The following XPO7 variants were observed in gnomAD, a reference collection of about 807,000 sequenced individuals.
XPO7 encodes the protein exportin 7.
In XPO7, 21 loss-of-function variants were observed where a neutral mutation model predicts 144.3. The observed-to-expected ratio is 0.15, with a 90% CI of 0.10 to 0.21. The LOEUF (loss-of-function observed/expected upper bound fraction) is 0.21. Among genes scored for constraint, XPO7 ranks in the 10% least tolerant of loss-of-function variants. The pLI is 1.00. For synonymous variants in XPO7, 580 were observed against 499.6 expected (o/e 1.16, Z -2.15); for missense variants, 808 against 1,325.8 (o/e 0.61, Z 6.06).
rs943974139 is a variant in XPO7, at chr8:21,984,639, G to C, written c.1278-7G>C. 4 of 1,605,346 alleles carry C rather than the reference G, an allele frequency of 2.5e-6. No individual in the cohort carries two copies. The highest frequency in any genetic ancestry group is 1.7e-5 in the Admixed American group (1 of 58,830). On this transcript the variant is annotated splice_polypyrimidine_tract_variant and splice_region_variant and intron_variant, in intron 11 of 27. Coordinates refer to ENST00000252512, the MANE Select transcript of XPO7 (RefSeq NM_015024.5). ...GAGAGCTGCCTTCCTTCTTCCCTTG[G>C]GAATAGAGATGGCCTGGAAGATCCC... is the stretch of plus-strand genomic sequence containing the variant.
At chr8:21,999,351 C>T in intron 23 of XPO7, 46 bp downstream of exon 23, 1 of 1,605,392 alleles carries the variant, frequency 6.2e-7, no homozygotes, top group Non-Finnish European at 8.5e-7. Context: ...TCATCACATT[C>T]AGCCTTTTTC....
At chr8:21,955,671 G>A (rs1333562292) in intron 1 of XPO7, among the ~76,000 whole-genome samples, 2 of 147,758 alleles carry the variant, frequency 1.4e-5, no homozygotes, top group African/African-American at 2.5e-5. Flanking sequence ...TCTCTGTTGG[G>A]TTTCATAGGA....
chr8:22,000,527 A>C (rs1246281101), intron 24 of XPO7, among the ~76,000 whole-genome samples: 2 of 142,466 alleles, frequency 1.4e-5, no homozygotes, highest in Non-Finnish European at 3.0e-5. Context: ...ATCTCAGCTC[A>C]CTGCAACCTC....
intron 1 of XPO7, among the ~76,000 whole-genome samples, chr8:21,928,024 A>C (rs1195388051): frequency 6.6e-6 from 1 of 152,258 alleles, no homozygotes; most frequent in African/African-American, 2.4e-5. Flanking sequence ...TAAAGTGTAC[A>C]AATTGACAGA....
In XPO7 at chr8:21,992,430, T is replaced by C. The variant is rs1174117420; in HGVS notation, c.2148+456T>C. 2.0e-5 allele frequency among the ~76,000 whole-genome samples: 3 copies of C among 152,356 alleles called. No individual in the cohort carries two copies. In the East Asian group the frequency reaches 5.8e-4, roughly 29 times the overall value. Reference sequence around the variant, plus strand: ...TGAAATAGATCTTCAGAATCCATAATTTTAATATGGAACATTTTCATTATT... The same window carrying C: ...TGAAATAGATCTTCAGAATCCATAACTTTAATATGGAACATTTTCATTATT... On this transcript the variant is annotated intron_variant, in intron 19 of 27. Transcript: ENST00000252512.
chr8:21,940,539 G>C (rs187804008), intron 1 of XPO7, among the ~76,000 whole-genome samples: 6 of 149,742 alleles, frequency 4.0e-5, no homozygotes, highest in Admixed American at 1.3e-4. Context: ...GTGTGATCTC[G>C]GCTCACTGCA....
In XPO7 at chr8:21,989,785, A is replaced by G. The variant is rs562882330; in HGVS notation, c.1869-559A>G. Among the ~76,000 whole-genome samples, 5 of 54,634 alleles carry G rather than the reference A, an allele frequency of 9.2e-5. No homozygotes were observed. The South Asian group carries it at 1.7e-3, about 19-fold the overall frequency. The allele number at this position is 54,634 out of a possible 152,430, so 35.8% of individuals were successfully genotyped here. Reference sequence around the variant, plus strand: ...TTGGGGAAACTGCTAGGTTTATTCTATTTTCTTACAAATAGGAGTTTGGTA... The same window carrying G: ...TTGGGGAAACTGCTAGGTTTATTCTGTTTTCTTACAAATAGGAGTTTGGTA... On this transcript the variant is annotated intron_variant, in intron 16 of 27. Coordinates refer to ENST00000252512, the MANE Select transcript of XPO7 (RefSeq NM_015024.5).
chr8:21,977,729 A>C, intron 7 of XPO7, 41 bp from the exon 8 acceptor site: 2 of 1,595,210 alleles, frequency 1.3e-6, no homozygotes, highest in African/African-American at 1.3e-5. Context: ...GGCAATGTTC[A>C]TACTTAATAA....
intron 4 of XPO7, 63 bp downstream of exon 4, chr8:21,970,373 C>CACAT (rs1407405081): frequency 8.5e-6 from 11 of 1,294,262 alleles, no homozygotes; most frequent in Admixed American, 2.6e-5. Context: ...TATATAAACA[C>CACAT]ACACACACAC....
At chr8:21,961,261 G>A (rs1811717787) in intron 1 of XPO7, among the ~76,000 whole-genome samples, 1 of 151,216 alleles carries the variant, frequency 6.6e-6, no homozygotes, top group Non-Finnish European at 1.5e-5. Context: ...CCAGGCTGGA[G>A]TACAGTGGCA....
Position 21,971,441 on chromosome 8 carries a change from T to G in XPO7, c.427-435T>G, listed in dbSNP as rs986703089. ...GGTTATGAGTGAGACTGGATAAATT[T>G]TGATATGTTTATTTATTGCTTATAT... is the stretch of plus-strand genomic sequence containing the variant. On this transcript the variant is annotated intron_variant, in intron 4 of 27. Transcript: ENST00000252512. Among the ~76,000 whole-genome samples the G allele has an allele frequency of 9.2e-5, 14 of 152,344 alleles. No individual in the cohort carries two copies. The South Asian group carries it at 1.0e-3, about 11-fold the overall frequency.
Position 21,970,232 on chromosome 8 carries a change from A to C in XPO7, c.348A>C (p.Thr116=). 1 of 1,613,902 alleles carries C rather than the reference A, an allele frequency of 6.2e-7. No homozygotes were observed. Among genetic ancestry groups the C allele is most frequent in the Non-Finnish European group, 8.5e-7 (1 of 1,179,838 alleles). ...TTATTCAGTTATATGCCAGAATCAC[A>C]AAACTGGGCTGGTTTGACTGTCAGA... The part of the protein sequence containing the change: ...QALIQLYARI[T]KLGWFDCQKD... Residue 116 remains threonine, a synonymous_variant, in exon 4 of 28, where the codon ACA becomes ACC. Transcript: ENST00000252512.
chr8:21,937,551 C>G (rs1810860843), intron 1 of XPO7, among the ~76,000 whole-genome samples: 1 of 152,182 alleles, frequency 6.6e-6, no homozygotes, highest in South Asian at 2.1e-4. Context: ...CTGCTTCTGT[C>G]ACTGCAGTGT....
chr8:21,943,197 T>TA (rs1387563795), intron 1 of XPO7, among the ~76,000 whole-genome samples: 1 of 152,344 alleles, frequency 6.6e-6, no homozygotes, highest in African/African-American at 2.4e-5. Context: ...CACTAGCTGT[T>TA]ATATCCAGCA....
chr8:21,968,837 C>T (rs1233812691), intron 2 of XPO7, among the ~76,000 whole-genome samples: 2 of 152,112 alleles, frequency 1.3e-5, no homozygotes, highest in Non-Finnish European at 2.9e-5. Flanking sequence ...TTTGAGTCTC[C>T]GTAAGGTTAA....
Position 22,005,156 on chromosome 8 carries a change from C to T in XPO7, c.*68C>T. 1 of 1,345,376 alleles carries T rather than the reference C, an allele frequency of 7.4e-7. No individual in the cohort carries two copies. The highest frequency in any genetic ancestry group is 1.3e-5 in the South Asian group (1 of 74,170). 83.3% of individuals were successfully genotyped at this position (1,345,376 alleles called of 1,614,324 possible). ...TTTGGCCCAGAGGGGCGAACAATTG[C>T]AAGGGAGAGGGCCTGGCTGATCCTG... is the stretch of plus-strand genomic sequence containing the variant. On this transcript the variant is annotated 3_prime_UTR_variant, in exon 28 of 28. Coordinates refer to ENST00000252512, the MANE Select transcript of XPO7 (RefSeq NM_015024.5).
chr8:21,995,418 C>A, intron 20 of XPO7, 74 bp from the exon 21 acceptor site: 2 of 1,329,204 alleles, frequency 1.5e-6, no homozygotes, highest in Non-Finnish European at 2.1e-6. Context: ...TTTTGCTTGG[C>A]TAGTGCTGAA....
At chr8:21,994,564 T>G (rs372080182) in intron 20 of XPO7, 113 bp downstream of exon 20, 2 of 994,300 alleles carry the variant, frequency 2.0e-6, no homozygotes, top group African/African-American at 1.6e-5. Context: ...GCAGAGAAGA[T>G]GAAGAGTTAG....
intron 1 of XPO7, among the ~76,000 whole-genome samples, chr8:21,948,451 A>G (rs1307736456): frequency 1.3e-5 from 2 of 152,200 alleles, no homozygotes; most frequent in Non-Finnish European, 2.9e-5. Context: ...CAGGTATGCC[A>G]TCTAGATTTG....
Sources: gnomAD v4.1 joint callset for allele counts (sites outside exome capture counted in the v4.1 genomes callset) on GRCh38, gnomAD v4.1.1 for gene constraint, MANE v1.5 for transcripts, NCBI Gene and HGNC (gene_info 2026-07-23, HGNC 2026-07-21) for gene names.